Variants in ACAD10 observed in about 807,000 individuals in gnomAD.
The protein encoded by ACAD10 is ACAD-10.
In ACAD10, 112 loss-of-function variants were observed where a neutral mutation model predicts 116.8. The observed-to-expected ratio is 0.96, with a 90% confidence interval of 0.82 to 1.12. ACAD10 has a LOEUF of 1.12. Ranked by LOEUF, ACAD10 falls within the 50% of genes most tolerant of loss-of-function variation. The probability of loss-of-function intolerance (pLI) is 0.00; values close to 1 mark genes in which losing one functional copy is unlikely to be tolerated. For synonymous variants in ACAD10, 486 were observed against 510.6 expected (o/e 0.95, Z 0.65); for missense variants, 1,259 against 1,350.2 (o/e 0.93, Z 1.06).
intron 4 of ACAD10, among the ~76,000 whole-genome samples, chr12:111,707,825 T>C (rs1229219105): frequency 6.6e-6 from 1 of 152,208 alleles, no homozygotes; most frequent in Non-Finnish European, 1.5e-5. Flanking sequence ...CAACTCTGCC[T>C]ACACATCACA....
intron 18 of ACAD10, among the ~76,000 whole-genome samples, chr12:111,751,241 A>G (rs775152159): frequency 6.6e-6 from 1 of 152,210 alleles, no homozygotes; most frequent in Non-Finnish European, 1.5e-5. Context: ...GATGGCATAC[A>G]GTGAGACTTT....
chr12:111,735,225 A>G (rs1332320361), intron 11 of ACAD10, among the ~76,000 whole-genome samples: 5 of 147,828 alleles, frequency 3.4e-5, no homozygotes, highest in Non-Finnish European at 7.5e-5. Context: ...CTCCATCTCA[A>G]AAAAAAAAAA....
chr12:111,712,896 G>A (rs900903618), intron 6 of ACAD10, among the ~76,000 whole-genome samples: 1 of 152,194 alleles, frequency 6.6e-6, no homozygotes, highest in Non-Finnish European at 1.5e-5. Context: ...CTGAGAGTGT[G>A]GTATGGCAGT....
At chr12:111,750,484 GC>G (rs1188458081) in intron 18 of ACAD10, among the ~76,000 whole-genome samples, 1 of 152,182 alleles carries the variant, frequency 6.6e-6, no homozygotes, top group Non-Finnish European at 1.5e-5. Flanking sequence ...TACTCAGGAG[GC>G]TGAGGCAGAA....
In ACAD10 at chr12:111,753,852, G is replaced by T; in HGVS notation, c.2898G>T (p.Glu966Asp). ...VLADIAQSRV[E>D]IEQARLLVLR... The stretch of plus-strand genomic sequence containing the variant: ...CGGACATCGCGCAGTCGCGCGTGGA[G>T]ATTGAGCAGGCACGGCTGCTGGTGC... The change falls in exon 19 of 21, where the codon GAG becomes GAT. Residue 966 changes from glutamate to aspartate, a missense_variant. By Grantham distance (45) the Glu-to-Asp change is conservative (BLOSUM62 2). Coordinates refer to ENST00000313698, the MANE Select transcript of ACAD10 (RefSeq NM_025247.6). The T allele has an allele frequency of 6.2e-7, 1 of 1,613,912 alleles. No homozygotes were observed. The highest frequency in any genetic ancestry group is 8.5e-7 in the Non-Finnish European group (1 of 1,179,990).
chr12:111,696,910 TC>T (rs1888203619), intron 2 of ACAD10, among the ~76,000 whole-genome samples: 2 of 151,966 alleles, frequency 1.3e-5, no homozygotes, highest in South Asian at 2.1e-4. Flanking sequence ...TGAAACCCCG[TC>T]TCTACTAAAA....
At chr12:111,720,791 TA>T (rs1294735352) in intron 7 of ACAD10, among the ~76,000 whole-genome samples, 10 of 151,950 alleles carry the variant, frequency 6.6e-5, no homozygotes, top group Admixed American at 1.3e-4. Context: ...TATTTTATTT[TA>T]TTTTTTTTTG....
intron 8 of ACAD10, among the ~76,000 whole-genome samples, chr12:111,727,302 A>G (rs1889242593): frequency 6.6e-6 from 1 of 152,118 alleles, no homozygotes; most frequent in East Asian, 1.9e-4. Flanking sequence ...AGGCGGGTGG[A>G]TCACGAGGTC....
intron 8 of ACAD10, among the ~76,000 whole-genome samples, chr12:111,725,336 C>T (rs1400802584): frequency 1.3e-5 from 2 of 152,010 alleles, no homozygotes; most frequent in East Asian, 3.9e-4. Context: ...GGCAAAACCC[C>T]ATCTCTACAA....
chr12:111,739,317 C>A (rs1373078977), intron 12 of ACAD10, among the ~76,000 whole-genome samples: 3 of 152,140 alleles, frequency 2.0e-5, no homozygotes, highest in African/African-American at 7.2e-5. Context: ...TTCAGAGGGA[C>A]ATGTTCAGCA....
chr12:111,695,718 A>T (rs1019858028), intron 2 of ACAD10, among the ~76,000 whole-genome samples: 1 of 152,158 alleles, frequency 6.6e-6, no homozygotes, highest in African/African-American at 2.4e-5. Context: ...ATTTGATAAG[A>T]ATATACTAGA....
chr12:111,733,128 C>G (rs1057184437), intron 10 of ACAD10, among the ~76,000 whole-genome samples: 7 of 152,050 alleles, frequency 4.6e-5, no homozygotes, highest in Non-Finnish European at 8.8e-5. Flanking sequence ...TGCACTGTCA[C>G]CCAGGCTGGA....
chr12:111,699,576 G>C (rs113034579), intron 2 of ACAD10, among the ~76,000 whole-genome samples: 7 of 152,052 alleles, frequency 4.6e-5, no homozygotes, highest in South Asian at 2.1e-4. Context: ...TTTCATATCA[G>C]TTGGCATATG....
At chr12:111,713,011 G>A (rs1266356133) in intron 6 of ACAD10, among the ~76,000 whole-genome samples, 2 of 152,048 alleles carry the variant, frequency 1.3e-5, no homozygotes, top group African/African-American at 4.8e-5. Context: ...TTGTGAAGAC[G>A]ACTTAGAAGT....
chr12:111,708,111 T>C (rs1052901623), intron 4 of ACAD10, among the ~76,000 whole-genome samples: 1 of 152,200 alleles, frequency 6.6e-6, no homozygotes, highest in Non-Finnish European at 1.5e-5. Flanking sequence ...TTTTATCTGA[T>C]CTACATTTGG....
In ACAD10 at chr12:111,715,919, G is replaced by A. The variant is rs755151258; in HGVS notation, c.949G>A (p.Gly317Arg). ...TCTAGTTCTGAGGAAGAAGCCCCCA[G>A]GGACACTCCTTCCATCTGCCCATGC... ...RDLVLRKKPP[G>R]TLLPSAHAIE... The change falls in exon 7 of 21, where the codon GGG becomes AGG. Residue 317 changes from glycine to arginine, a missense_variant. Coordinates refer to ENST00000313698, the MANE Select transcript of ACAD10 (RefSeq NM_025247.6). 19 of 1,614,034 alleles carry A rather than the reference G, an allele frequency of 1.2e-5. No individual in the cohort carries two copies. The Middle Eastern group carries it at 4.9e-4, about 42-fold the overall frequency.
At chr12:111,755,820 C>T (rs1404576227) in intron 20 of ACAD10, 75 bp downstream of exon 20, 1 of 1,432,520 alleles carries the variant, frequency 7.0e-7, no homozygotes, top group Non-Finnish European at 9.8e-7. Flanking sequence ...TTCAGCCGCC[C>T]AGCCTCCCAT....
chr12:111,705,205 A>C (rs1359000644), intron 3 of ACAD10, among the ~76,000 whole-genome samples: 2 of 151,816 alleles, frequency 1.3e-5, no homozygotes, highest in African/African-American at 4.8e-5. Flanking sequence ...ATCCATGAGC[A>C]GAATAAAGAA....
intron 2 of ACAD10, 125 bp downstream of exon 2, chr12:111,693,021 CGA>C: frequency 9.0e-7 from 1 of 1,105,532 alleles, no homozygotes; most frequent in South Asian, 1.5e-5. Context: ...CTCTGGCTCT[CGA>C]GTCGAATTCC....
Sources: gnomAD v4.1 joint callset for allele counts (sites outside exome capture counted in the v4.1 genomes callset) on GRCh38, gnomAD v4.1.1 for gene constraint, MANE v1.5 for transcripts, NCBI Gene and HGNC (gene_info 2026-07-23, HGNC 2026-07-21) for gene names.